Variants in DNAAF1 observed in about 807,000 individuals in gnomAD.
DNAAF1 encodes dynein assembly factor 1, axonemal.
Under a neutral mutation model 71.1 loss-of-function variants are expected in DNAAF1, and 65 were observed. That is an observed-to-expected ratio of 0.91 (90% CI 0.75 to 1.12). The LOEUF (loss-of-function observed/expected upper bound fraction) is 1.12, where lower values mean the gene tolerates loss of function less well. DNAAF1 is among the 50% of genes most tolerant of loss of function. DNAAF1 has a pLI of 0.00. For missense variants in DNAAF1, 1,178 were observed against 899.8 expected, an observed-to-expected ratio of 1.31 and a Z score of -3.96; for synonymous variants, 414 against 354.6, an observed-to-expected ratio of 1.17 and a Z score of -1.88.
chr16:84,161,821 C>G (rs568576834), intron 6 of DNAAF1, among the ~76,000 whole-genome samples: 4 of 152,144 alleles, frequency 2.6e-5, no homozygotes, highest in Non-Finnish European at 2.9e-5. Flanking sequence ...CACTTGATGT[C>G]TCTTCGGCCT....
At position 84,172,317 on chromosome 16, in the gene DNAAF1, C is replaced by A. The variant is rs780536622; in HGVS notation, c.1586C>A (p.Thr529Lys). 3.7e-6 allele frequency: 6 copies of A among 1,614,154 alleles called. No individual in the cohort carries two copies. In the South Asian group the frequency reaches 6.6e-5, roughly 18 times the overall value. Residue 529 changes from threonine (T) to lysine (K), a missense_variant, in exon 9 of 12, where the codon ACG (threonine) becomes AAG (lysine). Thr to Lys is a moderately conservative substitution (Grantham distance 78, BLOSUM62 -1). Coordinates refer to ENST00000378553, the MANE Select transcript of DNAAF1 (RefSeq NM_178452.6). ...GTATTCGTTACAGAACTTGATGGAA[C>A]GAGAACGGAAGATTTAGAAACCATT... ...EGVFVTELDG[T>K]RTEDLETIRL... is the part of the protein sequence containing the mutation.
intron 4 of DNAAF1, among the ~76,000 whole-genome samples, chr16:84,155,091 G>A (rs1405021152): frequency 3.3e-5 from 5 of 152,092 alleles, no homozygotes; most frequent in African/African-American, 9.7e-5. Flanking sequence ...TGTATTTTTA[G>A]TAGAGACGGG....
chr16:84,157,487 C>T (rs368933445), intron 5 of DNAAF1, among the ~76,000 whole-genome samples: 1 of 149,888 alleles, frequency 6.7e-6, no homozygotes, highest in African/African-American at 2.5e-5. Flanking sequence ...CCACTGCACT[C>T]CAGACAGAAT....
At chr16:84,156,801 T>C (rs1379533111) in intron 5 of DNAAF1, among the ~76,000 whole-genome samples, 1 of 150,160 alleles carries the variant, frequency 6.7e-6, no homozygotes, top group African/African-American at 2.5e-5. Context: ...CTTTTATTTA[T>C]CATTTTTCTT....
Position 84,165,880 on chromosome 16 carries a change from A to G in DNAAF1, c.961A>G (p.Ile321Val), listed in dbSNP as rs2087951352. The change falls in exon 7 of 12, where the codon ATT becomes GTT. Residue 321 changes from isoleucine to valine, a missense_variant. Ile to Val is a conservative substitution (Grantham distance 29). Transcript: ENST00000378553. ...SRERKKITDS[I>V]EALAMIKQRA... ...GGAGCGGAAGAAGATCACAGACAGC[A>G]TTGAAGCCTTGGCCATGATCAAGCA... 2 of 1,613,580 alleles carry G rather than the reference A, an allele frequency of 1.2e-6. No homozygotes were observed. The highest frequency in any genetic ancestry group is 1.3e-5 in the African/African-American group (1 of 74,886).
At chr16:84,153,731 A>G (rs2087286156) in intron 3 of DNAAF1, among the ~76,000 whole-genome samples, 1 of 152,232 alleles carries the variant, frequency 6.6e-6, no homozygotes, top group African/African-American at 2.4e-5. Context: ...AAAGGAAACT[A>G]AAAGATTTGT....
intron 7 of DNAAF1, among the ~76,000 whole-genome samples, chr16:84,167,749 C>T (rs2088101657): frequency 6.6e-6 from 1 of 152,196 alleles, no homozygotes; most frequent in African/African-American, 2.4e-5. Flanking sequence ...GGTGTGGTGG[C>T]TCATGCCTGT....
At chr16:84,147,111 T>C (rs2086952562) in intron 1 of DNAAF1, among the ~76,000 whole-genome samples, 1 of 152,248 alleles carries the variant, frequency 6.6e-6, no homozygotes, top group African/African-American at 2.4e-5. Flanking sequence ...TAAGCTGGAA[T>C]AATTATACAG....
intron 3 of DNAAF1, 67 bp downstream of exon 3, chr16:84,150,409 T>C: frequency 8.1e-7 from 1 of 1,240,334 alleles, no homozygotes. Context: ...TATAAAAAAT[T>C]ACTTGCAGGG....
chr16:84,174,843 C>A, intron 10 of DNAAF1, 121 bp downstream of exon 10: 6 of 1,222,460 alleles, frequency 4.9e-6, no homozygotes, highest in Non-Finnish European at 7.1e-6. Context: ...GCATTGAATT[C>A]CCCCATATTC....
chr16:84,171,963 C>T (rs1170411176), intron 8 of DNAAF1, among the ~76,000 whole-genome samples: 2 of 151,746 alleles, frequency 1.3e-5, no homozygotes, highest in Non-Finnish European at 2.9e-5. Context: ...TTGCAACCTC[C>T]CTCTCCCAGG....
chr16:84,145,444 C>A lies in DNAAF1; in HGVS notation c.4C>A (p.His2Asn), dbSNP rs1367546093. ...GTTCGGTGTCGCCGAAGTAAACATG[C>A]ACCCTGAGCCCTCGGAGCCTGCGAC... The part of the protein sequence containing the change: M[H>N]PEPSEPATGG... The change falls in exon 1 of 12, where the codon CAC becomes AAC. Residue 2 changes from histidine to asparagine, a missense_variant. His to Asn is a moderately conservative substitution (Grantham distance 68). Coordinates refer to ENST00000378553, the MANE Select transcript of DNAAF1 (RefSeq NM_178452.6). 9 of 1,580,794 alleles carry A rather than the reference C, an allele frequency of 5.7e-6. No individual in the cohort carries two copies. Among genetic ancestry groups the A allele is most frequent in the Non-Finnish European group, 7.7e-6 (9 of 1,163,958 alleles).
Position 84,166,037 on chromosome 16 carries a change from ATTTTTTTTTTT to A in DNAAF1, c.1030+105_1030+115del, listed in dbSNP as rs58906103. ...TCAAACCCAGTCTTTAATCTTGGGAATTTTTTTTTTTTTTTTTTTTTTTTTTTAGACAGAGT... is the reference window on the plus strand; with the variant it reads ...TCAAACCCAGTCTTTAATCTTGGGAATTTTTTTTTTTTTTTTAGACAGAGT... On this transcript the variant is annotated intron_variant, in intron 7 of 11. Coordinates refer to ENST00000378553, the MANE Select transcript of DNAAF1 (RefSeq NM_178452.6). The A allele has an allele frequency of 0.34, 369,187 of 1,081,344 alleles. 18,193 individuals are homozygous for A. Among genetic ancestry groups the A allele is most frequent in the Non-Finnish European group, 0.36 (283,884 of 779,278 alleles). 67.0% of individuals were successfully genotyped at this position (1,081,344 alleles called of 1,614,324 possible).
At chr16:84,161,066 C>T (rs1165538651) in intron 6 of DNAAF1, among the ~76,000 whole-genome samples, 1 of 152,158 alleles carries the variant, frequency 6.6e-6, no homozygotes, top group East Asian at 1.9e-4. Context: ...AGGGGTCTGA[C>T]TCCCAAGCCA....
Position 84,176,276 on chromosome 16 carries a change from A to G in DNAAF1, c.2042A>G (p.Asp681Gly), listed in dbSNP as rs2088649599. 2 of 1,613,474 alleles carry G rather than the reference A, an allele frequency of 1.2e-6. No individual in the cohort carries two copies. Among genetic ancestry groups the G allele is most frequent in the Non-Finnish European group, 1.7e-6 (2 of 1,179,998 alleles). ...PLTSSGDRDSDFLAASSPVPT... is the reference protein window; with the variant it reads ...PLTSSGDRDSGFLAASSPVPT... Reference sequence around the variant, plus strand: ...ACTTCCAGTGGAGACAGGGACAGCGACTTCCTTGCAGCCTCTTCTCCGGGT... The same window carrying G: ...ACTTCCAGTGGAGACAGGGACAGCGGCTTCCTTGCAGCCTCTTCTCCGGGT... The change falls in exon 11 of 12, where the codon GAC becomes GGC. Residue 681 changes from aspartate (D) to glycine (G), a missense_variant. Asp to Gly is a moderately conservative substitution (Grantham distance 94). Coordinates refer to ENST00000378553, the MANE Select transcript of DNAAF1 (RefSeq NM_178452.6).
At chr16:84,160,003 T>C (rs905981647) in intron 6 of DNAAF1, among the ~76,000 whole-genome samples, 4 of 152,224 alleles carry the variant, frequency 2.6e-5, no homozygotes, top group Non-Finnish European at 5.9e-5. Context: ...TAAATATCTT[T>C]GTATCAGTCG....
chr16:84,158,893 G>A (rs752530853), intron 5 of DNAAF1: 6 of 307,294 alleles, frequency 2.0e-5, no homozygotes, highest in Non-Finnish European at 2.8e-5. Context: ...ATGACGCCCA[G>A]CTAATTTTTG....
At chr16:84,164,165 G>C (rs1022893148) in intron 6 of DNAAF1, among the ~76,000 whole-genome samples, 21 of 152,074 alleles carry the variant, frequency 1.4e-4, no homozygotes, top group African/African-American at 5.1e-4. Context: ...AGTAGAGAGA[G>C]TTTCCATATA....
In DNAAF1 at chr16:84,174,721, A is replaced by G. The variant is rs1290395779; in HGVS notation, c.1697A>G (p.Gln566Arg). 9 of 1,614,136 alleles carry G rather than the reference A, an allele frequency of 5.6e-6. No homozygotes were observed. The highest frequency in any genetic ancestry group is 2.7e-5 in the African/African-American group (2 of 74,948). Residue 566 changes from glutamine to arginine, a missense_variant and splice_region_variant, in exon 10 of 12, where the codon CAG becomes CGG. By Grantham distance (43) the Gln-to-Arg change is conservative. Transcript: ENST00000378553. ...DDETGKSLED[Q>R]NMCFPKIEVI... is the part of the protein sequence containing the mutation. ...GAAACAGGCAAATCTCTGGAAGACC[A>G]GGTTAAGGTCATTAGAAACCATTTT... is the stretch of plus-strand genomic sequence containing the variant.
Sources: gnomAD v4.1 joint callset for allele counts (sites outside exome capture counted in the v4.1 genomes callset) on GRCh38, gnomAD v4.1.1 for gene constraint, MANE v1.5 for transcripts, NCBI Gene and HGNC (gene_info 2026-07-23, HGNC 2026-07-21) for gene names.